The following MICAL2 variants were observed in gnomAD, a reference collection of about 807,000 sequenced individuals.
MICAL2 encodes microtubule associated monooxygenase, calponin and LIM domain containing 2, also known as [F-actin]-monooxygenase MICAL2.
MICAL2 carries 77 observed loss-of-function variants against 127.3 expected under a neutral mutation model. The observed-to-expected ratio is 0.60, with a 90% CI of 0.50 to 0.73. The LOEUF (loss-of-function observed/expected upper bound fraction) is 0.73, where lower values mean the gene tolerates loss of function less well. Among genes scored for constraint, MICAL2 ranks in the 30% least tolerant of loss-of-function variants. The pLI, the probability that MICAL2 is intolerant of heterozygous loss-of-function variation, is 0.00. For missense variants in MICAL2, 1,351 were observed against 1,434.4 expected, an observed-to-expected ratio of 0.94 and a Z score of 0.94; for synonymous variants, 570 against 551.1, an observed-to-expected ratio of 1.03 and a Z score of -0.48.
chr11:12,350,971 C>T (rs961296044), intron 33 of MICAL2, among the ~76,000 whole-genome samples: 1 of 152,220 alleles, frequency 6.6e-6, no homozygotes, highest in Admixed American at 6.5e-5. Flanking sequence ...GAGTTTGTGG[C>T]TGCATCACTC....
At chr11:12,236,033 C>A in intron 15 of MICAL2, 144 bp from the exon 16 acceptor site, 2 of 696,980 alleles carry the variant, frequency 2.9e-6, no homozygotes, top group South Asian at 1.7e-5. Flanking sequence ...TACTACCACT[C>A]CTGCCTGTAG....
chr11:12,217,517 C>T (rs978429764), intron 8 of MICAL2, among the ~76,000 whole-genome samples: 3 of 152,196 alleles, frequency 2.0e-5, no homozygotes, highest in East Asian at 1.9e-4. Flanking sequence ...CCCTTCTTCC[C>T]TCTGCCTCAC....
In MICAL2 at chr11:12,220,371, C is replaced by T; in HGVS notation, c.1119C>T (p.Cys373=). 1 of 1,614,236 alleles carries T rather than the reference C, an allele frequency of 6.2e-7. No individual in the cohort carries two copies. Among genetic ancestry groups the T allele is most frequent in the Non-Finnish European group, 8.5e-7 (1 of 1,180,046 alleles). Residue 373 remains cysteine (C), a synonymous_variant, in exon 9 of 28, where the codon TGC becomes TGT. Coordinates refer to ENST00000683283, the MANE Select transcript of MICAL2 (RefSeq NM_001282663.2). The part of the protein sequence containing the change: ...QPDVAMFDFT[C]MYASENAALV... The stretch of plus-strand genomic sequence containing the variant: ...ATGTGGCCATGTTTGACTTTACCTG[C>T]ATGTATGCCTCAGAGAACGCGGCCC...
At chr11:12,129,351 C>T (rs1180123345) in intron 1 of MICAL2, among the ~76,000 whole-genome samples, 1 of 152,198 alleles carries the variant, frequency 6.6e-6, no homozygotes, top group Non-Finnish European at 1.5e-5. Flanking sequence ...ATTTGGTCTT[C>T]ACAGTTACCC....
At chr11:12,329,888 A>C (rs78162232) in intron 32 of MICAL2, among the ~76,000 whole-genome samples, 1 of 150,156 alleles carries the variant, frequency 6.7e-6, no homozygotes, top group Non-Finnish European at 1.5e-5. Context: ...AAAAAAGAAA[A>C]GAGAGAGCTA....
At chr11:12,185,507 C>T (rs1858116752) in intron 3 of MICAL2, among the ~76,000 whole-genome samples, 1 of 152,108 alleles carries the variant, frequency 6.6e-6, no homozygotes, top group Non-Finnish European at 1.5e-5. Context: ...CATCTCAAAG[C>T]CGTCACTTGC....
chr11:12,297,444 A>G (rs11022281), intron 29 of MICAL2, among the ~76,000 whole-genome samples: 59,807 of 151,982 alleles, frequency 0.39, 14,646 homozygotes, highest in Non-Finnish European at 0.55. Context: ...GTAATGATAC[A>G]AATTACAAGT....
At chr11:12,147,737 C>A (rs1590071419) in intron 2 of MICAL2, among the ~76,000 whole-genome samples, 1 of 152,320 alleles carries the variant, frequency 6.6e-6, no homozygotes, top group African/African-American at 2.4e-5. Flanking sequence ...CCTAGCAAGG[C>A]CCCAGTCACA....
chr11:12,255,865 A>T, intron 23 of MICAL2, 115 bp downstream of exon 23: 1 of 743,916 alleles, frequency 1.3e-6, no homozygotes, highest in Non-Finnish European at 2.3e-6. Context: ...CTTCTCTTGG[A>T]ACAAGAGGGG....
At chr11:12,184,423 CCA>C (rs1358381030) in intron 3 of MICAL2, among the ~76,000 whole-genome samples, 1 of 152,054 alleles carries the variant, frequency 6.6e-6, no homozygotes, top group African/African-American at 2.4e-5. Flanking sequence ...GCATACCTGC[CCA>C]CAGAGGCCGA....
At chr11:12,207,879 G>T (rs551030654) in intron 4 of MICAL2, 144 bp from the exon 5 acceptor site, 1 of 658,160 alleles carries the variant, frequency 1.5e-6, no homozygotes. Context: ...AGAGCTCTTG[G>T]TGCATAATCC....
intron 29 of MICAL2, among the ~76,000 whole-genome samples, chr11:12,313,777 A>G (rs1044280447): frequency 6.6e-6 from 1 of 151,940 alleles, no homozygotes; most frequent in South Asian, 2.1e-4. Flanking sequence ...ATGTCTAACA[A>G]TGGTTGAGGG....
At chr11:12,294,188 C>T, downstream of MICAL2, 1 of 1,613,992 alleles carries the variant, frequency 6.2e-7, no homozygotes, top group Non-Finnish European at 8.5e-7. Flanking sequence ...GATGGGGACC[C>T]CTGCGGAACA....
intron 17 of MICAL2, among the ~76,000 whole-genome samples, 196 bp downstream of exon 17, chr11:12,239,781 G>A (rs890273810): frequency 6.6e-6 from 1 of 152,232 alleles, no homozygotes; most frequent in African/African-American, 2.4e-5. Flanking sequence ...AAGCCATACT[G>A]TCTCTGTTAC....
intron 32 of MICAL2, chr11:12,349,750 A>T (rs1434087518): frequency 2.3e-6 from 3 of 1,316,790 alleles, no homozygotes; most frequent in Non-Finnish European, 3.3e-6. Context: ...TGTCACTACA[A>T]ACATAACCTG....
Position 12,240,986 on chromosome 11 carries a change from T to G in MICAL2, c.2215-54T>G, listed in dbSNP as rs1352194728. The G allele has an allele frequency of 1.9e-6, 3 of 1,597,170 alleles. No homozygotes were observed. The African/African-American group carries it at 4.0e-5, about 21-fold the overall frequency. ...TCCAAGCCTCTCAATCTGACTCACCTTTTCCTTCATGTCTCCTGTGGCTGC... is the reference window on the plus strand; with the variant it reads ...TCCAAGCCTCTCAATCTGACTCACCGTTTCCTTCATGTCTCCTGTGGCTGC... On this transcript the variant is annotated intron_variant, in intron 17 of 27. Coordinates refer to ENST00000683283, the MANE Select transcript of MICAL2 (RefSeq NM_001282663.2).
intron 8 of MICAL2, among the ~76,000 whole-genome samples, chr11:12,218,455 A>C (rs1313624510): frequency 6.6e-6 from 1 of 151,518 alleles, no homozygotes; most frequent in Non-Finnish European, 1.5e-5. Context: ...CTAGGTCCCC[A>C]CTCTCCTGCA....
chr11:12,231,256 G>A (rs1278310854), intron 15 of MICAL2, among the ~76,000 whole-genome samples: 1 of 152,196 alleles, frequency 6.6e-6, no homozygotes, highest in Non-Finnish European at 1.5e-5. Flanking sequence ...CACTCCTTGG[G>A]GGATAAAACA....
chr11:12,285,500 C>T (rs1863816766), intron 2 of MICAL2, among the ~76,000 whole-genome samples: 1 of 152,144 alleles, frequency 6.6e-6, no homozygotes, highest in Non-Finnish European at 1.5e-5. Context: ...TAAGTTCCTC[C>T]CAAAGTTAGT....
Sources: gnomAD v4.1 joint callset for allele counts (sites outside exome capture counted in the v4.1 genomes callset) on GRCh38, gnomAD v4.1.1 for gene constraint, MANE v1.5 for transcripts, NCBI Gene and HGNC (gene_info 2026-07-23, HGNC 2026-07-21) for gene names.